The following FOLH1 variants were observed in gnomAD, a reference collection of about 807,000 sequenced individuals.
FOLH1 encodes the protein glutamate carboxypeptidase 2.
FOLH1 carries 54 observed loss-of-function variants against 93.9 expected under a neutral mutation model. The ratio of observed to expected loss-of-function variants is 0.57; its 90% CI spans 0.46 to 0.72. FOLH1 has a LOEUF of 0.72. Among genes scored for constraint, FOLH1 ranks in the 30% least tolerant of loss-of-function variants. The pLI is 0.00. For missense variants in FOLH1, 571 were observed against 892.5 expected, an observed-to-expected ratio of 0.64 and a Z score of 4.59; for synonymous variants, 249 against 303.6, an observed-to-expected ratio of 0.82 and a Z score of 1.87.
chr11:49,181,582 G>A (rs1419927354), intron 7 of FOLH1, among the ~76,000 whole-genome samples: 3 of 151,284 alleles, frequency 2.0e-5, no homozygotes, highest in South Asian at 2.1e-4. Context: ...TGTATTATTC[G>A]AGTACATATA....
At chr11:49,149,470 T>C (rs1400815755) in intron 17 of FOLH1, among the ~76,000 whole-genome samples, 1 of 152,156 alleles carries the variant, frequency 6.6e-6, no homozygotes, top group Non-Finnish European at 1.5e-5. Flanking sequence ...TTTCACATCT[T>C]AGTCTTCATG....
intron 7 of FOLH1, among the ~76,000 whole-genome samples, chr11:49,177,857 G>T (rs1860268086): frequency 6.6e-6 from 1 of 151,622 alleles, no homozygotes; most frequent in South Asian, 2.1e-4. Flanking sequence ...CAGCTATTTG[G>T]GAGGCTGAGG....
chr11:49,167,046 CAAA>C (rs76160864), intron 12 of FOLH1, among the ~76,000 whole-genome samples: 74,005 of 149,746 alleles, frequency 0.49, 20,531 homozygotes, highest in Admixed American at 0.62. Flanking sequence ...ACAACAACAA[CAAA>C]AAAAAACAGA....
chr11:49,159,134 C>A (rs939426319), intron 13 of FOLH1, among the ~76,000 whole-genome samples: 9 of 152,072 alleles, frequency 5.9e-5, no homozygotes, highest in African/African-American at 2.2e-4. Context: ...TTTTATCTTG[C>A]CTGATTACCC....
intron 3 of FOLH1, among the ~76,000 whole-genome samples, chr11:49,196,494 A>T (rs1352795014): frequency 6.6e-6 from 1 of 152,210 alleles, no homozygotes; most frequent in Non-Finnish European, 1.5e-5. Flanking sequence ...TTATAACCCA[A>T]CAAATAGATT....
chr11:49,207,979 A>C (rs1864163629), intron 1 of FOLH1: 2 of 534,704 alleles, frequency 3.7e-6, no homozygotes, highest in South Asian at 1.7e-5. Flanking sequence ...AAACAAAAGC[A>C]AAAAAAAAAC....
intron 1 of FOLH1, chr11:49,207,993 C>T: frequency 1.6e-6 from 1 of 623,786 alleles, no homozygotes; most frequent in Non-Finnish European, 2.9e-6. Flanking sequence ...AAAAAACTTC[C>T]TCTGTCTTGC....
In FOLH1 at chr11:49,154,288, T is replaced by C; in HGVS notation, c.1828A>G (p.Lys610Glu). ...TGTTTCATAGAAATACTGTAGATTT[T>C]GTCAGCATACTTTCTTAAAACTACA... The part of the protein sequence containing the change: ...YAVVLRKYAD[K>E]IYSISMKHPQ... Residue 610 changes from lysine (K) to glutamate (E), a missense_variant, in exon 16 of 19, where the codon AAA becomes GAA. By Grantham distance (56) the Lys-to-Glu change is moderately conservative (BLOSUM62 1). This residue lies in a region of FOLH1 where 500 missense variants were observed against 822.9 expected (regional missense o/e 0.61). Coordinates refer to ENST00000256999, the MANE Select transcript of FOLH1 (RefSeq NM_004476.3). The C allele has an allele frequency of 1.2e-6, 2 of 1,613,520 alleles. No homozygotes were observed. Among genetic ancestry groups the C allele is most frequent in the Non-Finnish European group, 1.7e-6 (2 of 1,179,616 alleles).
intron 17 of FOLH1, among the ~76,000 whole-genome samples, chr11:49,150,967 A>G (rs1856448955): frequency 6.6e-6 from 1 of 152,180 alleles, no homozygotes; most frequent in Non-Finnish European, 1.5e-5. Context: ...TCTTTATACA[A>G]AATGTGATTT....
At chr11:49,191,977 TAC>T (rs1265172213) in intron 4 of FOLH1, among the ~76,000 whole-genome samples, 1 of 152,380 alleles carries the variant, frequency 6.6e-6, no homozygotes, top group South Asian at 2.1e-4. Context: ...TGTTTTTTTA[TAC>T]ACAGTCTTTT....
chr11:49,160,008 G>A (rs898324830), intron 13 of FOLH1, among the ~76,000 whole-genome samples: 7 of 150,934 alleles, frequency 4.6e-5, no homozygotes, highest in East Asian at 3.9e-4. Context: ...CTGCAACCTC[G>A]TTCACGCAAT....
intron 17 of FOLH1, among the ~76,000 whole-genome samples, chr11:49,151,328 G>C (rs1188964686): frequency 1.3e-5 from 2 of 152,196 alleles, no homozygotes; most frequent in African/African-American, 4.8e-5. Context: ...AAGATGCAAT[G>C]GGTTTCGGAA....
At chr11:49,204,781 G>A (rs1863688251) in intron 2 of FOLH1, among the ~76,000 whole-genome samples, 1 of 152,024 alleles carries the variant, frequency 6.6e-6, no homozygotes, top group South Asian at 2.1e-4. Context: ...TGTGTGTAAT[G>A]GTCTTTTAAT....
chr11:49,206,590 AT>A (rs1055212617), intron 1 of FOLH1, among the ~76,000 whole-genome samples: 6 of 152,348 alleles, frequency 3.9e-5, no homozygotes, highest in Admixed American at 3.3e-4. Flanking sequence ...CATTTAATAC[AT>A]TTTTATAACG....
At chr11:49,192,335 G>T (rs1163596243) in intron 4 of FOLH1, among the ~76,000 whole-genome samples, 1 of 152,114 alleles carries the variant, frequency 6.6e-6, no homozygotes, top group Non-Finnish European at 1.5e-5. Flanking sequence ...TCAAAATTAA[G>T]GATCTCTTTT....
chr11:49,203,313 G>A (rs1366717507), intron 2 of FOLH1, among the ~76,000 whole-genome samples: 2 of 152,166 alleles, frequency 1.3e-5, no homozygotes, highest in East Asian at 3.9e-4. Flanking sequence ...TTTCAAAGAA[G>A]GGAAAACACA....
At position 49,185,584 on chromosome 11, in the gene FOLH1, T is replaced by C. The variant is rs556322368; in HGVS notation, c.826+85A>G. ...CAAAGAGAATAAAAAAAGACATGCT[T>C]AGTCCATTGTACCAAAGGAAATTCT... On this transcript the variant is annotated intron_variant, in intron 6 of 18. Transcript: ENST00000256999. 1.4e-4 allele frequency: 214 copies of C among 1,480,382 alleles called. No homozygotes were observed. The South Asian group carries it at 2.2e-3, about 15-fold the overall frequency. 91.7% of individuals were successfully genotyped at this position (1,480,382 alleles called of 1,614,324 possible).
chr11:49,165,619 T>C lies in FOLH1; in HGVS notation c.1373-847A>G, dbSNP rs182898389. Reference sequence around the variant, plus strand: ...TGGGTTTTCTAGAACCAGGACACAGTTGGGGGGAAAAATGGTATTTGCAGC... The same window carrying C: ...TGGGTTTTCTAGAACCAGGACACAGCTGGGGGGAAAAATGGTATTTGCAGC... On this transcript the variant is annotated intron_variant, in intron 12 of 18. Coordinates refer to ENST00000256999, the MANE Select transcript of FOLH1 (RefSeq NM_004476.3). Among the ~76,000 whole-genome samples, 1,188 of 152,018 alleles carry C rather than the reference T, an allele frequency of 7.8e-3. 12 individuals are homozygous for C. Among genetic ancestry groups the C allele is most frequent in the Middle Eastern group, 0.02 (6 of 294 alleles).
rs55702629 is a variant in FOLH1 at position 49,187,042 on chromosome 11, C to CCA, written c.514-275_514-274dup. 4.1e-3 allele frequency among the ~76,000 whole-genome samples: 621 copies of CCA among 151,076 alleles called. 1 individual carries two copies. Among genetic ancestry groups the CCA allele is most frequent in the Non-Finnish European group, 7.2e-3 (484 of 67,390 alleles). ...AGCTGAAGCTACAGAAGCACCCCCC[C>CCA]CACACACACACAGAAAAGCATATAC... On this transcript the variant is annotated intron_variant, in intron 4 of 18. Coordinates refer to ENST00000256999, the MANE Select transcript of FOLH1 (RefSeq NM_004476.3).
Sources: allele counts gnomAD v4.1 joint callset (sites outside exome capture counted in the v4.1 genomes callset), GRCh38; gene constraint gnomAD v4.1.1; regional missense constraint gnomAD v4.1.1; transcripts MANE v1.5; gene names NCBI Gene and HGNC (gene_info 2026-07-23, HGNC 2026-07-21).